The following EMID1 variants were observed in gnomAD, a reference collection of about 807,000 sequenced individuals.
EMID1 encodes EMI domain-containing protein 1.
A neutral mutation model predicts 60.6 loss-of-function variants in EMID1; 40 were observed. The ratio of observed to expected loss-of-function variants is 0.66; its 90% CI spans 0.51 to 0.86. The LOEUF is 0.86. Among genes scored for constraint, EMID1 ranks in the 40% least tolerant of loss-of-function variants. The pLI is 0.00. For synonymous variants in EMID1, 242 were observed against 231.0 expected (o/e 1.05, Z -0.43); for missense variants, 585 against 597.1 (o/e 0.98, Z 0.21).
At chr22:29,236,060 C>G (rs968446685) in intron 12 of EMID1, among the ~76,000 whole-genome samples, 1 of 151,964 alleles carries the variant, frequency 6.6e-6, no homozygotes, top group Non-Finnish European at 1.5e-5. Flanking sequence ...TCTAACAATC[C>G]TCATCTTTTA....
chr22:29,254,337 C>G (rs1214510702), intron 14 of EMID1, 50 bp downstream of exon 14: 3 of 1,571,810 alleles, frequency 1.9e-6, no homozygotes, highest in Non-Finnish European at 2.6e-6. Flanking sequence ...TGCCTGCCAG[C>G]CTTCCCCAAG....
At chr22:29,256,694 A>G (rs2041720748) in intron 14 of EMID1, among the ~76,000 whole-genome samples, 1 of 151,976 alleles carries the variant, frequency 6.6e-6, no homozygotes, top group Non-Finnish European at 1.5e-5. Context: ...GCATGGAAGG[A>G]TATGGATGAG....
In EMID1 at chr22:29,217,181, C is replaced by T. The variant is rs1412461866; in HGVS notation, c.319+1551C>T. The stretch of plus-strand genomic sequence containing the variant: ...GCTCCCCTCCCAAGGGCAGACCTTC[C>T]TGGTCTCTGGGGCCTTCAAGGAGTT... On this transcript the variant is annotated intron_variant, in intron 3 of 14. Coordinates refer to ENST00000334018, the MANE Select transcript of EMID1 (RefSeq NM_133455.4). Among the ~76,000 whole-genome samples, 5 of 152,360 alleles carry T rather than the reference C, an allele frequency of 3.3e-5. No homozygotes were observed. In the East Asian group the frequency reaches 9.6e-4, roughly 29 times the overall value.
chr22:29,218,645 G>A (rs1236637532), intron 3 of EMID1, among the ~76,000 whole-genome samples: 1 of 152,200 alleles, frequency 6.6e-6, no homozygotes, highest in Non-Finnish European at 1.5e-5. Flanking sequence ...CACCAAGTGG[G>A]CCAGGGAGGG....
intron 4 of EMID1, among the ~76,000 whole-genome samples, chr22:29,225,523 C>T (rs2040471968): frequency 6.6e-6 from 1 of 152,252 alleles, no homozygotes; most frequent in African/African-American, 2.4e-5. Context: ...TGAGCATCAG[C>T]AGTGCTGGAG....
intron 4 of EMID1, among the ~76,000 whole-genome samples, chr22:29,225,569 T>C (rs1177238286): frequency 6.6e-6 from 1 of 152,214 alleles, no homozygotes; most frequent in African/African-American, 2.4e-5. Flanking sequence ...GCAGCTCGTT[T>C]AGACCTCACA....
intron 14 of EMID1, among the ~76,000 whole-genome samples, chr22:29,258,265 G>T (rs1031202029): frequency 1.3e-5 from 2 of 152,184 alleles, no homozygotes; most frequent in Non-Finnish European, 2.9e-5. Flanking sequence ...TGGTTTTGAA[G>T]GATGAGTAGT....
At position 29,231,103 on chromosome 22, in the gene EMID1, T is replaced by C; in HGVS notation, c.549T>C (p.Pro183=). 2 of 1,613,010 alleles carry C rather than the reference T, an allele frequency of 1.2e-6. No individual in the cohort carries two copies. ...PEDPAPLWGP[P]PAQGSPGDGG... ...ACCCTGCCCCGCTCTGGGGTCCCCC[T>C]CCTGCCCAGGGCAGCCCCGGAGATG... Residue 183 remains proline (P), a synonymous_variant, in exon 6 of 15, where the codon CCT becomes CCC. Transcript: ENST00000334018.
intron 3 of EMID1, among the ~76,000 whole-genome samples, chr22:29,223,847 G>A (rs2040394761): frequency 6.6e-6 from 1 of 152,244 alleles, no homozygotes; most frequent in Non-Finnish European, 1.5e-5. Flanking sequence ...TATGTGAAGT[G>A]CTTAGATGGT....
At chr22:29,257,618 A>G (rs1430837673) in intron 14 of EMID1, among the ~76,000 whole-genome samples, 1 of 152,220 alleles carries the variant, frequency 6.6e-6, no homozygotes, top group Non-Finnish European at 1.5e-5. Flanking sequence ...ACAAACTCAC[A>G]GGGGCCAGAC....
chr22:29,225,777 C>A (rs1469870928), intron 4 of EMID1, among the ~76,000 whole-genome samples: 4 of 152,232 alleles, frequency 2.6e-5, no homozygotes, highest in Admixed American at 2.6e-4. Flanking sequence ...AGGGGTGACA[C>A]TCCCGTGAGG....
At chr22:29,248,054 C>T (rs544835080) in intron 13 of EMID1, among the ~76,000 whole-genome samples, 1 of 150,510 alleles carries the variant, frequency 6.6e-6, no homozygotes, top group East Asian at 2.0e-4. Context: ...TGGGTTCAAG[C>T]GATTCTCATT....
chr22:29,244,643 A>C (rs1179445298), intron 13 of EMID1, among the ~76,000 whole-genome samples: 3 of 150,664 alleles, frequency 2.0e-5, no homozygotes, highest in African/African-American at 7.4e-5. Flanking sequence ...TGTCTCAAAA[A>C]AAAAAAAAGA....
At chr22:29,212,038 T>C (rs1174258926) in intron 1 of EMID1, among the ~76,000 whole-genome samples, 1 of 152,216 alleles carries the variant, frequency 6.6e-6, no homozygotes, top group Non-Finnish European at 1.5e-5. Flanking sequence ...CAGGCTGGAG[T>C]GCAGTGGCAC....
At chr22:29,252,552 G>A (rs1292252730) in intron 13 of EMID1, among the ~76,000 whole-genome samples, 1 of 152,226 alleles carries the variant, frequency 6.6e-6, no homozygotes, top group African/African-American at 2.4e-5. Flanking sequence ...GAAAGAGGAA[G>A]GAGTGAGGGA....
chr22:29,206,120 G>A lies in EMID1; in HGVS notation c.82G>A (p.Ala28Thr). The part of the protein sequence containing the change: ...GGGAAWSIGA[A>T]PFSGRRNWCS... ...CGGCGCTGCGTGGAGCATCGGGGCA[G>A]CTCCGTTCTCCGGACGCAGGTAAGA... The change falls in exon 1 of 15, where the codon GCT (alanine) becomes ACT (threonine). Residue 28 changes from alanine (A) to threonine (T), a missense_variant. Coordinates refer to ENST00000334018, the MANE Select transcript of EMID1 (RefSeq NM_133455.4). 8.1e-7 allele frequency: 1 copy of A among 1,230,718 alleles called. No homozygotes were observed. Among genetic ancestry groups the A allele is most frequent in the Middle Eastern group, 3.0e-4 (1 of 3,286 alleles). 76.2% of individuals were successfully genotyped at this position (1,230,718 alleles called of 1,614,324 possible).
At chr22:29,255,541 G>A in intron 14 of EMID1, 1 of 491,038 alleles carries the variant, frequency 2.0e-6, no homozygotes, top group South Asian at 4.0e-5. Flanking sequence ...TTGAGTGAAT[G>A]CGCACCTGCT....
At chr22:29,220,031 C>A (rs1469471698) in intron 3 of EMID1, among the ~76,000 whole-genome samples, 1 of 152,146 alleles carries the variant, frequency 6.6e-6, no homozygotes, top group African/African-American at 2.4e-5. Context: ...TCCCAGCAAC[C>A]CCCACCTCCT....
intron 5 of EMID1, among the ~76,000 whole-genome samples, chr22:29,230,389 G>C (rs1292659889): frequency 6.6e-6 from 1 of 151,984 alleles, no homozygotes; most frequent in Non-Finnish European, 1.5e-5. Context: ...GCCATACCCT[G>C]TGGTGCTTTA....
Sources: gnomAD v4.1 joint callset for allele counts (sites outside exome capture counted in the v4.1 genomes callset) on GRCh38, gnomAD v4.1.1 for gene constraint, MANE v1.5 for transcripts, NCBI Gene and HGNC (gene_info 2026-07-23, HGNC 2026-07-21) for gene names.